The following PDE4B variants were observed in gnomAD, a reference collection of about 807,000 sequenced individuals.
PDE4B encodes the protein 3',5'-cyclic-AMP phosphodiesterase 4B.
PDE4B carries 20 observed loss-of-function variants against 82.2 expected under a neutral mutation model. The ratio of observed to expected loss-of-function variants is 0.24; its 90% CI spans 0.17 to 0.35. The LOEUF (loss-of-function observed/expected upper bound fraction) is 0.35. Ranked by LOEUF, PDE4B falls within the 10% of genes least tolerant of loss-of-function variation. The probability of loss-of-function intolerance (pLI) is 1.00; values close to 1 mark genes in which losing one functional copy is unlikely to be tolerated. For missense variants in PDE4B, 655 were observed against 907.2 expected, an observed-to-expected ratio of 0.72 and a Z score of 3.57; for synonymous variants, 320 against 318.9, an observed-to-expected ratio of 1.00 and a Z score of -0.04.
At chr1:65,836,194 G>A (rs997512588) in intron 1 of PDE4B, among the ~76,000 whole-genome samples, 1 of 152,038 alleles carries the variant, frequency 6.6e-6, no homozygotes. Flanking sequence ...CACCCGTCTC[G>A]GCCTCCCATG....
At chr1:65,847,485 T>C (rs931146763) in intron 1 of PDE4B, among the ~76,000 whole-genome samples, 3 of 152,212 alleles carry the variant, frequency 2.0e-5, no homozygotes, top group African/African-American at 7.2e-5. Flanking sequence ...CAGATCTTTA[T>C]TTAATACAAG....
At chr1:66,320,759 G>A (rs1659342872) in intron 7 of PDE4B, among the ~76,000 whole-genome samples, 1 of 152,176 alleles carries the variant, frequency 6.6e-6, no homozygotes, top group African/African-American at 2.4e-5. Flanking sequence ...AGAAATATTT[G>A]TAATGAAATA....
At chr1:66,170,246 G>A (rs897047312) in intron 3 of PDE4B, among the ~76,000 whole-genome samples, 23 of 152,178 alleles carry the variant, frequency 1.5e-4, no homozygotes, top group African/African-American at 5.5e-4. Flanking sequence ...GAAGCTGGGA[G>A]ATGGTGTTAT....
intron 1 of PDE4B, among the ~76,000 whole-genome samples, chr1:65,799,946 A>G (rs1645676417): frequency 1.3e-5 from 2 of 152,188 alleles, no homozygotes; most frequent in African/African-American, 4.8e-5. Flanking sequence ...CTATATGGAG[A>G]AACAGTGTCC....
At chr1:65,863,202 C>T (rs1440454856) in intron 1 of PDE4B, among the ~76,000 whole-genome samples, 1 of 152,100 alleles carries the variant, frequency 6.6e-6, no homozygotes, top group Non-Finnish European at 1.5e-5. Flanking sequence ...GGTATGTTGT[C>T]TCTTTGTTCT....
At chr1:66,355,670 T>A (rs765702770) in intron 9 of PDE4B, 50 bp downstream of exon 9, 1 of 1,096,434 alleles carries the variant, frequency 9.1e-7, no homozygotes, top group South Asian at 1.4e-5. Context: ...GTTTTCAGAA[T>A]TAATTTCTAC....
At chr1:65,843,831 A>G (rs951907880) in intron 1 of PDE4B, among the ~76,000 whole-genome samples, 5 of 152,196 alleles carry the variant, frequency 3.3e-5, no homozygotes, top group African/African-American at 1.2e-4. Flanking sequence ...AATTATTCTA[A>G]AAATGGCATA....
chr1:65,922,715 C>A (rs903517213), intron 3 of PDE4B, among the ~76,000 whole-genome samples: 1 of 152,118 alleles, frequency 6.6e-6, no homozygotes, highest in African/African-American at 2.4e-5. Context: ...CCAGTTCCCC[C>A]TTATGAAAAC....
chr1:66,141,353 TATATATATATATATG>T (rs1646167958), intron 3 of PDE4B, among the ~76,000 whole-genome samples: 1 of 111,732 alleles, frequency 8.9e-6, no homozygotes, highest in Non-Finnish European at 2.1e-5. Context: ...TATATATATA[TATATATATATATATG>T]AAGAAACTTA....
intron 3 of PDE4B, among the ~76,000 whole-genome samples, chr1:65,934,256 C>T (rs1330064991): frequency 6.6e-6 from 1 of 152,074 alleles, no homozygotes; most frequent in African/African-American, 2.4e-5. Context: ...TGAGATCAGC[C>T]TAGACAACAT....
At chr1:66,268,144 A>G (rs1456048721) in intron 7 of PDE4B, among the ~76,000 whole-genome samples, 1 of 152,242 alleles carries the variant, frequency 6.6e-6, no homozygotes, top group Admixed American at 6.5e-5. Flanking sequence ...TAGTTTGCTC[A>G]GAAAGCCTGA....
intron 3 of PDE4B, among the ~76,000 whole-genome samples, chr1:66,060,850 G>A (rs562099052): frequency 1.1e-4 from 17 of 152,038 alleles, no homozygotes; most frequent in African/African-American, 3.9e-4. Context: ...CCTGCCTTGT[G>A]AAGCCACTCC....
chr1:65,916,696 A>G (rs1385523012), intron 2 of PDE4B, among the ~76,000 whole-genome samples: 1 of 152,116 alleles, frequency 6.6e-6, no homozygotes, highest in Non-Finnish European at 1.5e-5. Flanking sequence ...CTTTTAAAAA[A>G]TAAACATATA....
intron 3 of PDE4B, among the ~76,000 whole-genome samples, chr1:66,147,225 C>T (rs1646293639): frequency 6.6e-6 from 1 of 152,198 alleles, no homozygotes; most frequent in Non-Finnish European, 1.5e-5. Context: ...TTTGTGTTCC[C>T]ATTGCTATAA....
intron 3 of PDE4B, among the ~76,000 whole-genome samples, chr1:66,171,768 T>C (rs1472004032): frequency 6.6e-6 from 1 of 152,124 alleles, no homozygotes; most frequent in African/African-American, 2.4e-5. Context: ...TGTGATGTAA[T>C]ATGAAGCACC....
chr1:65,813,034 C>G (rs1645837710), intron 1 of PDE4B, among the ~76,000 whole-genome samples: 1 of 152,040 alleles, frequency 6.6e-6, no homozygotes, highest in Non-Finnish European at 1.5e-5. Flanking sequence ...TTGGGAGATA[C>G]TAAAACTGGA....
chr1:66,087,299 A>G (rs1309365286), intron 3 of PDE4B, among the ~76,000 whole-genome samples: 1 of 152,154 alleles, frequency 6.6e-6, no homozygotes, highest in Non-Finnish European at 1.5e-5. Flanking sequence ...AAGTCAGTTA[A>G]GAGTTTACGG....
At chr1:66,156,190 T>G (rs1162310625) in intron 3 of PDE4B, among the ~76,000 whole-genome samples, 1 of 152,196 alleles carries the variant, frequency 6.6e-6, no homozygotes, top group Non-Finnish European at 1.5e-5. Context: ...TCAGATTCAT[T>G]AGGAATGAGT....
At chr1:65,936,226 CT>C (rs940032961) in intron 3 of PDE4B, among the ~76,000 whole-genome samples, 3 of 152,050 alleles carry the variant, frequency 2.0e-5, no homozygotes, top group African/African-American at 7.2e-5. Context: ...ACAATGCCTT[CT>C]TCTGGAATAC....
Sources: gnomAD v4.1 joint callset for allele counts (sites outside exome capture counted in the v4.1 genomes callset) on GRCh38, gnomAD v4.1.1 for gene constraint, MANE v1.5 for transcripts, NCBI Gene and HGNC (gene_info 2026-07-23, HGNC 2026-07-21) for gene names.